The following NINJ2 variants were observed in gnomAD, a reference collection of about 807,000 sequenced individuals.
The protein encoded by NINJ2 is ninjurin-2.
In NINJ2, 12 loss-of-function variants were observed where a neutral mutation model predicts 11.7. The ratio of observed to expected loss-of-function variants is 1.02; its 90% CI spans 0.66 to 1.66. NINJ2 has a LOEUF of 1.66. Among genes scored for constraint, NINJ2 ranks in the 40% most tolerant of loss-of-function variants. The pLI is 0.00. For synonymous variants in NINJ2, 93 were observed against 76.8 expected, an observed-to-expected ratio of 1.21 and a Z score of -1.10; for missense variants, 187 against 181.8, an observed-to-expected ratio of 1.03 and a Z score of -0.16.
intron 1 of NINJ2, chr12:641,034 C>T (rs556626577): frequency 1.3e-5 from 2 of 152,310 alleles, no homozygotes; most frequent in Non-Finnish European, 2.9e-5. Flanking sequence ...GGTATGGGTC[C>T]TCCAGGCGGT....
At chr12:627,287 G>T (rs1249719288) in intron 1 of NINJ2, among the ~76,000 whole-genome samples, 1 of 152,158 alleles carries the variant, frequency 6.6e-6, no homozygotes, top group Non-Finnish European at 1.5e-5. Context: ...CTTGTTAGAA[G>T]ATTCTGTCCT....
intron 1 of NINJ2, among the ~76,000 whole-genome samples, chr12:575,777 G>T (rs181190828): frequency 5.3e-5 from 8 of 152,222 alleles, no homozygotes; most frequent in Non-Finnish European, 1.2e-4. Flanking sequence ...CTTTAAGGGT[G>T]GGGCTTCAGG....
intron 1 of NINJ2, among the ~76,000 whole-genome samples, chr12:579,095 G>C (rs989984608): frequency 2.0e-5 from 3 of 152,186 alleles, no homozygotes; most frequent in African/African-American, 7.2e-5. Context: ...TATGAGTTTT[G>C]TATGTCCCCA....
chr12:626,454 T>A (rs1261793985), intron 1 of NINJ2, among the ~76,000 whole-genome samples: 1 of 152,156 alleles, frequency 6.6e-6, no homozygotes, highest in Non-Finnish European at 1.5e-5. Flanking sequence ...TCTCTTCTTC[T>A]CTCTACCGCA....
chr12:651,154 C>T (rs967815843), intron 1 of NINJ2, among the ~76,000 whole-genome samples: 4 of 151,864 alleles, frequency 2.6e-5, no homozygotes, highest in African/African-American at 9.7e-5. Context: ...TGCCCAAGTT[C>T]TATAGTAAAT....
chr12:573,614 C>CA (rs1565619641), intron 1 of NINJ2, among the ~76,000 whole-genome samples: 1 of 151,596 alleles, frequency 6.6e-6, no homozygotes, highest in African/African-American at 2.4e-5. Context: ...AACAAACAAA[C>CA]AAAAAAACAG....
chr12:657,419 C>T (rs1393340617), intron 1 of NINJ2, among the ~76,000 whole-genome samples: 4 of 152,076 alleles, frequency 2.6e-5, no homozygotes, highest in Non-Finnish European at 5.9e-5. Context: ...GAAACCCCGC[C>T]TCTATTAAAA....
intron 1 of NINJ2, among the ~76,000 whole-genome samples, chr12:601,361 AC>A (rs2120907066): frequency 6.6e-6 from 1 of 151,826 alleles, no homozygotes; most frequent in African/African-American, 2.4e-5. Flanking sequence ...CCTGGCTAAC[AC>A]AGTGAAACCC....
rs936950915 is a variant in NINJ2 at position 628,779 on chromosome 12, A to G, written c.33+34549T>C. Among the ~76,000 whole-genome samples the G allele has an allele frequency of 1.3e-5, 2 of 152,128 alleles. No homozygotes were observed. The highest frequency in any genetic ancestry group is 6.5e-5 in the Admixed American group (1 of 15,272). On this transcript the variant is annotated intron_variant, in intron 1 of 3. Transcript: ENST00000305108. This position sits in a 1 kb window ranked among gnomAD's most constrained non-coding sequence, Gnocchi z 4.4. ...ATGAAAGTGACCACTGGTTGTCCTC[A>G]CTGCTCAGTATATGCCAATTATACA...
chr12:659,761 GT>G (rs1937931330), intron 1 of NINJ2, among the ~76,000 whole-genome samples: 1 of 152,164 alleles, frequency 6.6e-6, no homozygotes, highest in Non-Finnish European at 1.5e-5. Context: ...TTAGATTAGA[GT>G]TTCCCAAACT....
At chr12:565,114 C>G in intron 3 of NINJ2, 103 bp downstream of exon 3, 1 of 941,508 alleles carries the variant, frequency 1.1e-6, no homozygotes, top group Non-Finnish European at 1.5e-6. Flanking sequence ...AGGCCTTCCC[C>G]CTTTGTTTGG....
At chr12:629,896 A>AAAAAAAATATATAT in intron 1 of NINJ2, among the ~76,000 whole-genome samples, 2 of 9,904 alleles carry the variant, frequency 2.0e-4, no homozygotes, top group African/African-American at 2.9e-4. Context: ...AAAAAAAAAA[A>AAAAAAAATATATAT]ATATATATAT....
At chr12:593,569 G>T (rs1192597249) in intron 1 of NINJ2, among the ~76,000 whole-genome samples, 4 of 152,130 alleles carry the variant, frequency 2.6e-5, no homozygotes, top group African/African-American at 9.7e-5. Flanking sequence ...AATAAAATTA[G>T]CCAGGCGTGG....
chr12:661,105 G>T (rs1937951935), intron 1 of NINJ2, among the ~76,000 whole-genome samples: 2 of 152,182 alleles, frequency 1.3e-5, no homozygotes. Flanking sequence ...TAGAGATAGG[G>T]TCTGGCTCTG....
intron 1 of NINJ2, among the ~76,000 whole-genome samples, chr12:647,989 T>G (rs150084445): frequency 1.6e-4 from 25 of 152,342 alleles, no homozygotes; most frequent in African/African-American, 5.8e-4. Context: ...TAATGACCAC[T>G]GGGTAGTTGG....
chr12:580,509 A>AC lies in NINJ2; in HGVS notation c.34-14332dup, dbSNP rs1947531893. ...AGGCTGAGGCAGGAGAATCACTTGA[A>AC]CCTGGAGGCAAAGGTTGCAGGGAGA... On this transcript the variant is annotated intron_variant, in intron 1 of 3. Coordinates refer to ENST00000305108, the MANE Select transcript of NINJ2 (RefSeq NM_016533.6). The surrounding 1 kb of genome is among the most constrained non-coding windows in gnomAD (Gnocchi z 4.7). Among the ~76,000 whole-genome samples, 2 of 151,762 alleles carry AC rather than the reference A, an allele frequency of 1.3e-5. No individual in the cohort carries two copies. Among genetic ancestry groups the AC allele is most frequent in the Admixed American group, 6.6e-5 (1 of 15,216 alleles).
intron 1 of NINJ2, among the ~76,000 whole-genome samples, chr12:590,176 A>G (rs1189904151): frequency 6.6e-6 from 1 of 152,174 alleles, no homozygotes; most frequent in Admixed American, 6.5e-5. Context: ...GGTCCCAAAC[A>G]AGTGGTCCTC....
chr12:578,421 G>A (rs35464297), intron 1 of NINJ2, among the ~76,000 whole-genome samples: 43,501 of 151,944 alleles, frequency 0.29, 6,746 homozygotes, highest in African/African-American at 0.37. Context: ...TGGGCTCAAG[G>A]GATCCTCTTG....
At chr12:623,126 A>C (rs1948173098) in intron 1 of NINJ2, among the ~76,000 whole-genome samples, 1 of 152,206 alleles carries the variant, frequency 6.6e-6, no homozygotes, top group Non-Finnish European at 1.5e-5. Flanking sequence ...ACATCAGCTC[A>C]AGGCTAGCTT....
Sources: gnomAD v4.1 joint callset for allele counts (sites outside exome capture counted in the v4.1 genomes callset) on GRCh38, gnomAD v4.1.1 for gene constraint, Gnocchi (gnomAD v3.1) non-coding constraint, MANE v1.5 for transcripts, NCBI Gene and HGNC (gene_info 2026-07-23, HGNC 2026-07-21) for gene names.